Variants in ADH1A observed in about 807,000 individuals in gnomAD.
The protein encoded by ADH1A is alcohol dehydrogenase 1A (class I), alpha polypeptide.
Under a neutral mutation model 35.2 loss-of-function variants are expected in ADH1A, and 29 were observed. That is an observed-to-expected ratio of 0.82 (90% CI 0.61 to 1.12). The LOEUF (loss-of-function observed/expected upper bound fraction) is 1.12. Ranked by LOEUF, ADH1A falls within the 50% of genes most tolerant of loss-of-function variation. The pLI is 0.00. For missense variants in ADH1A, 469 were observed against 464.7 expected (o/e 1.01, Z -0.09); for synonymous variants, 147 against 164.8 (o/e 0.89, Z 0.83).
intron 6 of ADH1A, among the ~76,000 whole-genome samples, chr4:99,281,396 G>A (rs1732997091): frequency 6.6e-6 from 1 of 152,170 alleles, no homozygotes; most frequent in African/African-American, 2.4e-5. Context: ...CATGTAATAA[G>A]CCAAAGATGA....
At chr4:99,282,231 G>C (rs1446617077) in intron 6 of ADH1A, 115 bp downstream of exon 6, 2 of 1,596,930 alleles carry the variant, frequency 1.3e-6, no homozygotes, top group African/African-American at 2.7e-5. Flanking sequence ...CAGATGATGG[G>C]AAATTTCCAT....
intron 1 of ADH1A, among the ~76,000 whole-genome samples, chr4:99,290,068 T>A (rs1476557291): frequency 6.6e-6 from 1 of 152,186 alleles, no homozygotes; most frequent in Non-Finnish European, 1.5e-5. Context: ...CTGGAAATAG[T>A]TGCACAAATT....
Position 99,282,616 on chromosome 4 carries a change from C to T in ADH1A, c.568-10G>A, listed in dbSNP as rs1242354520. On this transcript the variant is annotated splice_polypyrimidine_tract_variant and intron_variant, in intron 5 of 8. Transcript: ENST00000209668. ...TAGAGCCTGGGGTGACCTGTGTTTT[C>T]AGAAAATGCAAAAATGGATTATAAA... 4.4e-6 allele frequency: 7 copies of T among 1,602,248 alleles called. No individual in the cohort carries two copies. The highest frequency in any genetic ancestry group is 1.3e-5 in the African/African-American group (1 of 74,182).
chr4:99,282,149 T>C (rs949187970), intron 6 of ADH1A, 197 bp downstream of exon 6: 2 of 1,010,478 alleles, frequency 2.0e-6, no homozygotes, highest in Admixed American at 2.6e-5. Context: ...AAATATGACT[T>C]GAGACACGTT....
chr4:99,287,683 G>C lies in ADH1A; in HGVS notation c.19-18C>G, dbSNP rs1329702588. Reference sequence around the variant, plus strand: ...TTGATTACCTAGAAAAGCAAACAGAGAGATGGCACCAGTGTTCTCCCACGC... The same window carrying C: ...TTGATTACCTAGAAAAGCAAACAGACAGATGGCACCAGTGTTCTCCCACGC... On this transcript the variant is annotated intron_variant, in intron 1 of 8. Coordinates refer to ENST00000209668, the MANE Select transcript of ADH1A (RefSeq NM_000667.4). 2 of 1,613,116 alleles carry C rather than the reference G, an allele frequency of 1.2e-6. No individual in the cohort carries two copies. The highest frequency in any genetic ancestry group is 2.7e-5 in the African/African-American group (2 of 74,910).
At chr4:99,277,483 A>G (rs1302121337) in intron 8 of ADH1A, among the ~76,000 whole-genome samples, 3 of 152,048 alleles carry the variant, frequency 2.0e-5, no homozygotes, top group African/African-American at 7.2e-5. Flanking sequence ...GCATATGCAT[A>G]TATAAGAAAA....
chr4:99,280,349 C>A, intron 6 of ADH1A, 70 bp from the exon 7 acceptor site: 1 of 1,601,346 alleles, frequency 6.2e-7, no homozygotes, highest in Middle Eastern at 2.3e-4. Context: ...TGCACAATAT[C>A]ATGTAATAGG....
At chr4:99,280,505 C>T (rs1732975939) in intron 6 of ADH1A, among the ~76,000 whole-genome samples, 1 of 152,066 alleles carries the variant, frequency 6.6e-6, no homozygotes, top group African/African-American at 2.4e-5. Context: ...AATTGGAGTG[C>T]ACTTAATTTT....
intron 2 of ADH1A, among the ~76,000 whole-genome samples, chr4:99,287,271 T>A (rs1000362821): frequency 1.3e-5 from 2 of 152,152 alleles, no homozygotes; most frequent in African/African-American, 4.8e-5. Context: ...CTTTAAAAAA[T>A]AGAAGTAGAA....
chr4:99,277,371 G>T (rs1221036636), intron 8 of ADH1A, among the ~76,000 whole-genome samples: 1 of 151,934 alleles, frequency 6.6e-6, no homozygotes, highest in African/African-American at 2.4e-5. Context: ...ATTTACACTA[G>T]AACTAATGCC....
intron 1 of ADH1A, among the ~76,000 whole-genome samples, chr4:99,288,023 A>C (rs904760780): frequency 5.3e-5 from 8 of 152,202 alleles, no homozygotes; most frequent in Non-Finnish European, 8.8e-5. Flanking sequence ...ATCAAATTCT[A>C]AGTCACCTTC....
chr4:99,285,449 G>A (rs1179938536), intron 3 of ADH1A, among the ~76,000 whole-genome samples: 1 of 152,122 alleles, frequency 6.6e-6, no homozygotes, highest in Non-Finnish European at 1.5e-5. Context: ...ACTTTGAAAT[G>A]TTTTTAGCTG....
chr4:99,287,816 G>GA, intron 1 of ADH1A, 151 bp from the exon 2 acceptor site: 3 of 722,962 alleles, frequency 4.1e-6, no homozygotes, highest in East Asian at 2.9e-5. Flanking sequence ...TTTATAAAGA[G>GA]AAAAAAATAT....
chr4:99,279,496 C>A lies in ADH1A; in HGVS notation c.1033G>T (p.Ala345Ser). 1 of 1,612,090 alleles carries A rather than the reference C, an allele frequency of 6.2e-7. No individual in the cohort carries two copies. Among genetic ancestry groups the A allele is most frequent in the Non-Finnish European group, 8.5e-7 (1 of 1,179,190 alleles). ...DFMAKKFSLDALITHVLPFEK... is the reference protein window; with the variant it reads ...DFMAKKFSLDSLITHVLPFEK... ...AAAGGTAAAACATGGGTTATTAATGCATCCAATGAAAACTTCTTAGCCATA... is the reference window on the plus strand; with the variant it reads ...AAAGGTAAAACATGGGTTATTAATGAATCCAATGAAAACTTCTTAGCCATA... The change falls in exon 8 of 9, where the codon GCA becomes TCA. Residue 345 changes from alanine to serine, a missense_variant. Transcript: ENST00000209668.
intron 1 of ADH1A, among the ~76,000 whole-genome samples, chr4:99,290,603 A>G (rs1323072636): frequency 1.3e-5 from 2 of 152,210 alleles, no homozygotes; most frequent in Non-Finnish European, 2.9e-5. Context: ...GGCTTTACAA[A>G]TTAATCATGA....
rs749327045 is a variant in ADH1A, at chr4:99,276,690, T to G, written c.1104-42A>C. 10 of 1,572,212 alleles carry G rather than the reference T, an allele frequency of 6.4e-6. No homozygotes were observed. The African/African-American group carries it at 1.2e-4, about 19-fold the overall frequency. Reference sequence around the variant, plus strand: ...GAGACATTGTATTAGCATTTAGACATGCTTCCATGTGAGAGTCCAAGGAGC... The same window carrying G: ...GAGACATTGTATTAGCATTTAGACAGGCTTCCATGTGAGAGTCCAAGGAGC... On this transcript the variant is annotated intron_variant, in intron 8 of 8. Coordinates refer to ENST00000209668, the MANE Select transcript of ADH1A (RefSeq NM_000667.4).
intron 6 of ADH1A, 83 bp downstream of exon 6, chr4:99,282,263 A>T: frequency 6.2e-7 from 1 of 1,612,326 alleles, no homozygotes; most frequent in South Asian, 1.1e-5. Flanking sequence ...AATATCCTTT[A>T]TACAGAAAAC....
chr4:99,288,211 C>G (rs963322696), intron 1 of ADH1A, among the ~76,000 whole-genome samples: 1 of 152,192 alleles, frequency 6.6e-6, no homozygotes, highest in Non-Finnish European at 1.5e-5. Context: ...TCCACCACTT[C>G]TGTGTGTTAC....
chr4:99,287,049 C>T (rs1733170283), intron 2 of ADH1A, 61 bp from the exon 3 acceptor site: 1 of 1,565,740 alleles, frequency 6.4e-7, no homozygotes, highest in African/African-American at 1.4e-5. Context: ...TTTAAAAATC[C>T]CAGTTCCCTG....
Sources: gnomAD v4.1 joint callset for allele counts (sites outside exome capture counted in the v4.1 genomes callset) on GRCh38, gnomAD v4.1.1 for gene constraint, MANE v1.5 for transcripts, NCBI Gene and HGNC (gene_info 2026-07-23, HGNC 2026-07-21) for gene names.